The following CLSTN3 variants were observed in gnomAD, a reference collection of about 807,000 sequenced individuals.
CLSTN3 encodes calsyntenin-3.
A neutral mutation model predicts 95.9 loss-of-function variants in CLSTN3; 36 were observed. The observed-to-expected ratio is 0.38, with a 90% CI of 0.29 to 0.50. CLSTN3 has a LOEUF of 0.50. Among genes scored for constraint, CLSTN3 ranks in the 20% least tolerant of loss-of-function variants. CLSTN3 has a pLI of 0.95. For synonymous variants in CLSTN3, 481 were observed against 504.0 expected (o/e 0.95, Z 0.61); for missense variants, 1,084 against 1,268.8 (o/e 0.85, Z 2.21).
At position 7,137,947 on chromosome 12, in the gene CLSTN3, G is replaced by C. The variant is rs754988397; in HGVS notation, c.1211-8G>C. On this transcript the variant is annotated splice_region_variant and splice_polypyrimidine_tract_variant and intron_variant, in intron 7 of 17. Coordinates refer to ENST00000266546, the MANE Select transcript of CLSTN3 (RefSeq NM_014718.4). The surrounding 1 kb of genome is among the most constrained non-coding windows in gnomAD (Gnocchi z 4.4). ...GCACTTGACCCCATCCCCTTCCTGTGCCCTCAGAGGACGGCTTCTCTCACT... is the reference window on the plus strand; with the variant it reads ...GCACTTGACCCCATCCCCTTCCTGTCCCCTCAGAGGACGGCTTCTCTCACT... 1 of 1,610,888 alleles carries C rather than the reference G, an allele frequency of 6.2e-7. No individual in the cohort carries two copies. The highest frequency in any genetic ancestry group is 8.5e-7 in the Non-Finnish European group (1 of 1,177,518).
chr12:7,132,960 G>A (rs1183524167), intron 1 of CLSTN3, 64 bp from the exon 2 acceptor site: 1 of 1,608,106 alleles, frequency 6.2e-7, no homozygotes, highest in Non-Finnish European at 8.5e-7. Context: ...GTCAACAAGG[G>A]TTGTTGTGGG....
chr12:7,150,409 G>A lies in CLSTN3; in HGVS notation c.2246-135G>A, dbSNP rs1939702396. On this transcript the variant is annotated intron_variant, in intron 14 of 17. Coordinates refer to ENST00000266546, the MANE Select transcript of CLSTN3 (RefSeq NM_014718.4). The surrounding 1 kb of genome is among the most constrained non-coding windows in gnomAD (Gnocchi z 4.0). ...GGAGCATCCCTCCCTTCGACCTCAG[G>A]TCGCACTTCTGCGGAGATGGGGCTG... 5.0e-6 allele frequency: 5 copies of A among 1,003,356 alleles called. No individual in the cohort carries two copies. Among genetic ancestry groups the A allele is most frequent in the East Asian group, 2.6e-5 (1 of 37,876 alleles). 62.2% of individuals were successfully genotyped at this position (1,003,356 alleles called of 1,614,324 possible).
intron 12 of CLSTN3, 78 bp from the exon 13 acceptor site, chr12:7,148,894 C>A: frequency 8.4e-7 from 1 of 1,185,934 alleles, no homozygotes; most frequent in Non-Finnish European, 1.2e-6. Flanking sequence ...GTAGCTGGGG[C>A]GGGGAGTGAA....
chr12:7,140,228 A>G (rs1432446671), intron 8 of CLSTN3, among the ~76,000 whole-genome samples: 1 of 152,128 alleles, frequency 6.6e-6, no homozygotes, highest in East Asian at 1.9e-4. Context: ...AGCTAGATGG[A>G]TGATGGAGCA....
intron 16 of CLSTN3, among the ~76,000 whole-genome samples, chr12:7,153,836 G>A (rs2135817483): frequency 6.6e-6 from 1 of 152,278 alleles, no homozygotes; most frequent in East Asian, 1.9e-4. Context: ...TCTTGTTCTA[G>A]GAGCCCAGCA....
At chr12:7,146,755 T>C (rs1939627568) in intron 12 of CLSTN3, among the ~76,000 whole-genome samples, 1 of 152,204 alleles carries the variant, frequency 6.6e-6, no homozygotes, top group African/African-American at 2.4e-5. Flanking sequence ...ACGGTGCCTT[T>C]GGGTCAGGCC....
rs756088646 is a variant in CLSTN3 at position 7,150,525 on chromosome 12, G to C, written c.2246-19G>C. 4 of 1,603,398 alleles carry C rather than the reference G, an allele frequency of 2.5e-6. No homozygotes were observed. In the South Asian group the frequency reaches 4.4e-5, roughly 18 times the overall value. On this transcript the variant is annotated intron_variant, in intron 14 of 17. Coordinates refer to ENST00000266546, the MANE Select transcript of CLSTN3 (RefSeq NM_014718.4). The surrounding 1 kb of genome is among the most constrained non-coding windows in gnomAD (Gnocchi z 4.0). ...CTGCCTCCACTGGCCCCTGCCCTGA[G>C]GTGCTTCCTCATCTCCAGGGGTGGA... is the stretch of plus-strand genomic sequence containing the variant.
At chr12:7,148,156 A>AAAAGAAAGAAAAGAAAGAAAG (rs1939653960) in intron 12 of CLSTN3, among the ~76,000 whole-genome samples, 1 of 135,404 alleles carries the variant, frequency 7.4e-6, no homozygotes, top group African/African-American at 2.8e-5. Context: ...AACTCCATCA[A>AAAAGAAAGAAAAGAAAGAAAG]AAAGAAAGAA....
At position 7,157,369 on chromosome 12, in the gene CLSTN3, C is replaced by A. The variant is rs77250502; in HGVS notation, c.2528-120C>A. On this transcript the variant is annotated intron_variant, in intron 16 of 17. Coordinates refer to ENST00000266546, the MANE Select transcript of CLSTN3 (RefSeq NM_014718.4). This position sits in a 1 kb window ranked among gnomAD's most constrained non-coding sequence, Gnocchi z 5.9. Reference sequence around the variant, plus strand: ...CAGGTGTTCCTCTCTTCTCGGCCACCGTGTGTTCTGCCCTGGGAGTCCTTC... The same window carrying A: ...CAGGTGTTCCTCTCTTCTCGGCCACAGTGTGTTCTGCCCTGGGAGTCCTTC... 2.5e-6 allele frequency: 2 copies of A among 808,094 alleles called. No homozygotes were observed. The highest frequency in any genetic ancestry group is 1.7e-5 in the African/African-American group (1 of 57,260). 50.1% of individuals were successfully genotyped at this position (808,094 alleles called of 1,614,324 possible).
chr12:7,148,700 C>G (rs1939670217), intron 12 of CLSTN3, among the ~76,000 whole-genome samples: 1 of 152,176 alleles, frequency 6.6e-6, no homozygotes, highest in Non-Finnish European at 1.5e-5. Context: ...TGGGGTAGGG[C>G]ATTGATGGTG....
In CLSTN3 at chr12:7,157,776, G is replaced by A; in HGVS notation, c.2730+85G>A. ...GGACTCCTGAGGAGGGGCAGGCCTG[G>A]GTGGAGGCTGTTCGCAGAGCTGCAG... is the stretch of plus-strand genomic sequence containing the variant. On this transcript the variant is annotated intron_variant, in intron 17 of 17. Coordinates refer to ENST00000266546, the MANE Select transcript of CLSTN3 (RefSeq NM_014718.4). The surrounding 1 kb of genome is among the most constrained non-coding windows in gnomAD (Gnocchi z 5.9). 6.6e-7 allele frequency: 1 copy of A among 1,503,922 alleles called. No individual in the cohort carries two copies. Among genetic ancestry groups the A allele is most frequent in the Non-Finnish European group, 9.0e-7 (1 of 1,114,592 alleles). The allele number at this position is 1,503,922 out of a possible 1,614,324, so 93.2% of individuals were successfully genotyped here.
chr12:7,153,580 C>A (rs894358978), intron 16 of CLSTN3, among the ~76,000 whole-genome samples: 3 of 152,206 alleles, frequency 2.0e-5, no homozygotes. Context: ...TCAATAGAGA[C>A]ATGTTAGCAA....
At chr12:7,143,064 GCCCCTTGCCCCAC>G in intron 11 of CLSTN3, 38 bp downstream of exon 11, 2 of 1,599,796 alleles carry the variant, frequency 1.3e-6, no homozygotes, top group Non-Finnish European at 1.7e-6. Context: ...TTCCCAGCAT[GCCCCTTGCCCCAC>G]CCCCTTGCCC....
chr12:7,132,342 C>A, intron 1 of CLSTN3: 1 of 221,756 alleles, frequency 4.5e-6, no homozygotes, highest in South Asian at 6.0e-5. Context: ...TAGGCCAGCC[C>A]GATAATCCCT....
intron 4 of CLSTN3, 103 bp from the exon 5 acceptor site, chr12:7,135,701 G>A: frequency 1.4e-6 from 2 of 1,451,300 alleles, no homozygotes; most frequent in Non-Finnish European, 1.9e-6. Flanking sequence ...CCAGCGTCCT[G>A]CTGCCTAACC....
chr12:7,144,410 T>G (rs1480785010), intron 12 of CLSTN3, among the ~76,000 whole-genome samples: 1 of 152,198 alleles, frequency 6.6e-6, no homozygotes, highest in Non-Finnish European at 1.5e-5. Flanking sequence ...TAGGGTCTAT[T>G]GCTAGCTTTT....
chr12:7,142,247 CCACCAGGGGG>C, intron 10 of CLSTN3, 108 bp downstream of exon 10: 1 of 905,866 alleles, frequency 1.1e-6, no homozygotes, highest in South Asian at 1.6e-5. Context: ...GCCTCCTAGG[CCACCAGGGGG>C]CAGAGCCTCC....
Position 7,150,995 on chromosome 12 carries a change from T to G in CLSTN3, c.2459T>G (p.Leu820Arg), listed in dbSNP as rs777195472. 16 of 1,613,202 alleles carry G rather than the reference T, an allele frequency of 9.9e-6. No individual in the cohort carries two copies. The highest frequency in any genetic ancestry group is 1.3e-5 in the Non-Finnish European group (15 of 1,179,546). Residue 820 changes from leucine (L) to arginine (R), a missense_variant, in exon 16 of 18, where the codon CTG (leucine) becomes CGG (arginine). Leu to Arg is a moderately radical substitution (Grantham distance 102, BLOSUM62 -2). Coordinates refer to ENST00000266546, the MANE Select transcript of CLSTN3 (RefSeq NM_014718.4). The surrounding 1 kb of genome is among the most constrained non-coding windows in gnomAD (Gnocchi z 4.0). ...PSHVLSSQQF[L>R]HRGHQPPPEM... ...CACGTGCTCAGCTCCCAGCAGTTCCTGCACCGTGGTCACCAGCCCCCGCCT... is the reference window on the plus strand; with the variant it reads ...CACGTGCTCAGCTCCCAGCAGTTCCGGCACCGTGGTCACCAGCCCCCGCCT...
intron 16 of CLSTN3, among the ~76,000 whole-genome samples, chr12:7,152,235 A>G (rs1011280320): frequency 2.0e-5 from 3 of 152,222 alleles, no homozygotes; most frequent in Non-Finnish European, 4.4e-5. Context: ...ACTTCATATT[A>G]TAAAACAAGT....
Sources: gnomAD v4.1 joint callset for allele counts (sites outside exome capture counted in the v4.1 genomes callset) on GRCh38, gnomAD v4.1.1 for gene constraint, Gnocchi (gnomAD v3.1) non-coding constraint, MANE v1.5 for transcripts, NCBI Gene and HGNC (gene_info 2026-07-23, HGNC 2026-07-21) for gene names.